GHDC: variants seen among roughly 807,000 people sequenced by gnomAD.
GHDC encodes the protein GH3 domain containing, also known as GH3 domain-containing protein.
GHDC carries 39 observed loss-of-function variants against 51.5 expected under a neutral mutation model. The ratio of observed to expected loss-of-function variants is 0.76; its 90% confidence interval spans 0.59 to 0.99. The LOEUF is 0.99. Ranked by LOEUF, GHDC falls within the 50% of genes least tolerant of loss-of-function variation. The pLI, the probability that GHDC is intolerant of heterozygous loss-of-function variation, is 0.00. For missense variants in GHDC, 610 were observed against 672.8 expected (o/e 0.91, Z 1.03); for synonymous variants, 282 against 305.2 (o/e 0.92, Z 0.79).
rs777182823 is a variant in GHDC at position 42,193,506 on chromosome 17, C to A, written c.76G>T (p.Asp26Tyr). The A allele has an allele frequency of 1.9e-6, 3 of 1,552,036 alleles. No individual in the cohort carries two copies. The highest frequency in any genetic ancestry group is 2.6e-6 in the Non-Finnish European group (3 of 1,148,578). The change falls in exon 3 of 10, where the codon GAT (aspartate) becomes TAT (tyrosine). Residue 26 changes from aspartate (D) to tyrosine (Y), a missense_variant. Physicochemically the swap from Asp to Tyr is radical, Grantham distance 160 (BLOSUM62 -3). Around this residue, in one of 2 missense-constraint regions of GHDC, gnomAD observed 198 missense variants for 262.3 expected, o/e 0.75. Coordinates refer to ENST00000587427, the MANE Select transcript of GHDC (RefSeq NM_032484.5). ...LALLRQQRSQ[D>Y]ARLSWLAGLQ... ...CCAGCAAGCCAGGACAGCCTGGCATCCTGGGACCGCTGCTGCCTGAGCAGG... is the reference window on the plus strand; with the variant it reads ...CCAGCAAGCCAGGACAGCCTGGCATACTGGGACCGCTGCTGCCTGAGCAGG...
At position 42,190,572 on chromosome 17, in the gene GHDC, G is replaced by A. The variant is rs955004847; in HGVS notation, c.1288+52C>T. 4.1e-5 allele frequency: 64 copies of A among 1,579,458 alleles called. No individual in the cohort carries two copies. The African/African-American group carries it at 7.3e-4, about 18-fold the overall frequency. On this transcript the variant is annotated intron_variant, in intron 8 of 9. Coordinates refer to ENST00000587427, the MANE Select transcript of GHDC (RefSeq NM_032484.5). Reference sequence around the variant, plus strand: ...AGCAGTCCCCTGGCAGGGGAGGTAGGAGTTGAAGGGTAGCTCAAGGATGGT... The same window carrying A: ...AGCAGTCCCCTGGCAGGGGAGGTAGAAGTTGAAGGGTAGCTCAAGGATGGT...
Position 42,190,851 on chromosome 17 carries a change from C to G in GHDC, c.1135G>C (p.Val379Leu). 4 of 1,613,048 alleles carry G rather than the reference C, an allele frequency of 2.5e-6. No homozygotes were observed. Among genetic ancestry groups the G allele is most frequent in the Middle Eastern group, 1.7e-4 (1 of 6,024 alleles). The stretch of plus-strand genomic sequence containing the variant: ...ACCTACCTGCAGATGAACCTGACGA[C>G]TGGACACTGATTGTAGGCACCAACC... Reference protein sequence around the residue: ...RVVGAYNQCPVVRFICRLDQT... With the variant: ...RVVGAYNQCPLVRFICRLDQT... Residue 379 changes from valine (V) to leucine (L), a missense_variant, in exon 7 of 10, where the codon GTC becomes CTC. Transcript: ENST00000587427.
Position 42,190,868 on chromosome 17 carries a change from G to C in GHDC, c.1118C>G (p.Ala373Gly). Residue 373 changes from alanine to glycine, a missense_variant, in exon 7 of 10, where the codon GCC (alanine) becomes GGC (glycine). Around this residue, in one of 2 missense-constraint regions of GHDC, gnomAD observed 412 missense variants for 410.4 expected, o/e 1.00. Coordinates refer to ENST00000587427, the MANE Select transcript of GHDC (RefSeq NM_032484.5). ...CCTGACGACTGGACACTGATTGTAG[G>C]CACCAACCACTCGCACCACATCACC... is the stretch of plus-strand genomic sequence containing the variant. ...RLGDVVRVVG[A>G]YNQCPVVRFI... 1 of 1,611,608 alleles carries C rather than the reference G, an allele frequency of 6.2e-7. No individual in the cohort carries two copies. Among genetic ancestry groups the C allele is most frequent in the Non-Finnish European group, 8.5e-7 (1 of 1,179,310 alleles).
In GHDC at chr17:42,192,270, A is replaced by T; in HGVS notation, c.860T>A (p.Phe287Tyr). ...CGAGGCAGCATAAGCAGGAGAGAAG[A>T]AGGCTAGTCCTTGGCACCACAAGGC... ...LGALWCQGLA[F>Y]FSPAYAASGG... is the part of the protein sequence containing the mutation. Residue 287 changes from phenylalanine to tyrosine, a missense_variant, in exon 5 of 10, where the codon TTC (phenylalanine) becomes TAC (tyrosine). Transcript: ENST00000587427. 1 of 1,561,796 alleles carries T rather than the reference A, an allele frequency of 6.4e-7. No individual in the cohort carries two copies. The highest frequency in any genetic ancestry group is 1.4e-5 in the African/African-American group (1 of 73,422).
rs908463316 is a variant in GHDC, at chr17:42,192,320, C to T, written c.810G>A (p.Gln270=). ...QVVVTLDAGG[Q]AEAVAALGAL... ...CCCCGAGGGCAGCCACAGCCTCGGC[C>T]TGGCCTCCTGCATCCAGAGTCACCA... The change falls in exon 5 of 10, where the codon CAG becomes CAA. Residue 270 remains glutamine (Q), a synonymous_variant. Transcript: ENST00000587427. 2.4e-5 allele frequency: 39 copies of T among 1,611,046 alleles called. No individual in the cohort carries two copies. The highest frequency in any genetic ancestry group is 3.1e-5 in the Non-Finnish European group (37 of 1,178,560).
At position 42,192,941 on chromosome 17, in the gene GHDC, T is replaced by A; in HGVS notation, c.352A>T (p.Thr118Ser). The A allele has an allele frequency of 1.2e-6, 2 of 1,613,616 alleles. No individual in the cohort carries two copies. Among genetic ancestry groups the A allele is most frequent in the Non-Finnish European group, 1.7e-6 (2 of 1,179,920 alleles). Reference protein sequence around the residue: ...EDSGEQPLPPTSNQDLGEASL... With the variant: ...EDSGEQPLPPSSNQDLGEASL... ...GCCTCCCCAAGGTCCTGGTTTGAGG[T>A]CGGGGGCAGTGGCTGCTCTCCACTG... Residue 118 changes from threonine (T) to serine (S), a missense_variant, in exon 4 of 10, where the codon ACC becomes TCC. Coordinates refer to ENST00000587427, the MANE Select transcript of GHDC (RefSeq NM_032484.5).
chr17:42,189,710 A>G lies in GHDC; in HGVS notation c.1586T>C (p.Val529Ala). 5.5e-6 allele frequency: 8 copies of G among 1,463,752 alleles called. No homozygotes were observed. Among genetic ancestry groups the G allele is most frequent in the Non-Finnish European group, 6.3e-6 (7 of 1,106,948 alleles). 90.7% of individuals were successfully genotyped at this position (1,463,752 alleles called of 1,614,324 possible). ...HLAQCLQERV[V>A]S ...GGTGGGGCAGGACTTGACTCAGGAC[A>G]CCACCCTCTCCTGCAGACACTGGGC... is the stretch of plus-strand genomic sequence containing the variant. The change falls in exon 10 of 10, where the codon GTG (valine) becomes GCG (alanine). Residue 529 changes from valine to alanine, a missense_variant. Physicochemically the swap from Val to Ala is moderately conservative, Grantham distance 64. This residue lies in a region of GHDC where 412 missense variants were observed against 410.4 expected (regional missense o/e 1.00). Transcript: ENST00000587427.
intron 9 of GHDC, 26 bp from the exon 10 acceptor site, chr17:42,189,947 C>G (rs1216855847): frequency 1.3e-6 from 2 of 1,491,208 alleles, no homozygotes; most frequent in Non-Finnish European, 1.8e-6. Context: ...CCTGAGTGAG[C>G]TGGTGTGTGA....
chr17:42,193,461 A>G lies in GHDC; in HGVS notation c.121T>C (p.Trp41Arg), dbSNP rs1449401578. 7.1e-6 allele frequency: 11 copies of G among 1,556,428 alleles called. No individual in the cohort carries two copies. The highest frequency in any genetic ancestry group is 9.6e-6 in the Non-Finnish European group (11 of 1,150,140). Reference sequence around the variant, plus strand: ...GTGGCTGCCCAGACCAGGGCCCCCCATGCCACTCGGTGCTGGAGGCCAGCA... The same window carrying G: ...GTGGCTGCCCAGACCAGGGCCCCCCGTGCCACTCGGTGCTGGAGGCCAGCA... ...WLAGLQHRVA[W>R]GALVWAATWQ... The change falls in exon 3 of 10, where the codon TGG becomes CGG. Residue 41 changes from tryptophan (W) to arginine (R), a missense_variant. By Grantham distance (101) the Trp-to-Arg change is moderately radical (BLOSUM62 -3). Coordinates refer to ENST00000587427, the MANE Select transcript of GHDC (RefSeq NM_032484.5).
At position 42,193,561 on chromosome 17, in the gene GHDC, C is replaced by G; in HGVS notation, c.21G>C (p.Leu7=). The change falls in exon 3 of 10, where the codon CTG becomes CTC. Residue 7 remains leucine (L), a synonymous_variant. Coordinates refer to ENST00000587427, the MANE Select transcript of GHDC (RefSeq NM_032484.5). ...ATGTTGGCAGCAGCAGCAGCAGCAG[C>G]AGCAGTGGCCACAGCAGCATCTCCA... The part of the protein sequence containing the change: MLLWPL[L]LLLLLLPTLA... 3 of 1,539,304 alleles carry G rather than the reference C, an allele frequency of 1.9e-6. No homozygotes were observed. Among genetic ancestry groups the G allele is most frequent in the Non-Finnish European group, 2.6e-6 (3 of 1,145,894 alleles).
Position 42,191,032 on chromosome 17 carries a change from G to T in GHDC, c.1068C>A (p.Arg356=). Residue 356 remains arginine (R), a synonymous_variant, in exon 6 of 10, where the codon CGC becomes CGA. Transcript: ENST00000587427. Reference sequence around the variant, plus strand: ...CAGCTGATCACCTGGTGAGGCTGGCGCGGTCCGTCAGCACCAGCTCATACT... The same window carrying T: ...CAGCTGATCACCTGGTGAGGCTGGCTCGGTCCGTCAGCACCAGCTCATACT... ...GKEYELVLTD[R]ASLTRCRLGD... 1 of 1,579,456 alleles carries T rather than the reference G, an allele frequency of 6.3e-7. No homozygotes were observed. Among genetic ancestry groups the T allele is most frequent in the Non-Finnish European group, 8.6e-7 (1 of 1,163,220 alleles).
chr17:42,191,016 A>G lies in GHDC; in HGVS notation c.1082+2T>C, dbSNP rs752818358. 6.4e-7 allele frequency: 1 copy of G among 1,569,340 alleles called. No homozygotes were observed. Among genetic ancestry groups the G allele is most frequent in the Admixed American group, 2.0e-5 (1 of 51,142 alleles). On this transcript the variant is annotated splice_donor_variant, in intron 6 of 9. Coordinates refer to ENST00000587427, the MANE Select transcript of GHDC (RefSeq NM_032484.5). LOFTEE classifies it high-confidence loss of function. ...GGTAGCAGGGGCTGTGCAGCTGATC[A>G]CCTGGTGAGGCTGGCGCGGTCCGTC...
intron 6 of GHDC, 31 bp downstream of exon 6, chr17:42,190,987 C>T (rs1555546502): frequency 1.9e-6 from 3 of 1,563,694 alleles, no homozygotes; most frequent in Admixed American, 2.0e-5. Context: ...CCCATAGGGC[C>T]CCAGGTAGCA....
In GHDC at chr17:42,189,346, C is replaced by T. The variant is rs2079948833; in HGVS notation, c.*357G>A. ...TGCTGCTCCTGGGGACATTAACCCC[C>T]CAACACTTCTAGCTTGCCCAGTGCA... On this transcript the variant is annotated 3_prime_UTR_variant, in exon 10 of 10. Coordinates refer to ENST00000587427, the MANE Select transcript of GHDC (RefSeq NM_032484.5). 2.5e-6 allele frequency: 1 copy of T among 392,590 alleles called. No individual in the cohort carries two copies. The highest frequency in any genetic ancestry group is 1.4e-4 in the South Asian group (1 of 7,030). 24.3% of individuals were successfully genotyped at this position (392,590 alleles called of 1,614,324 possible).
chr17:42,190,004 G>A, intron 9 of GHDC, 83 bp from the exon 10 acceptor site: 1 of 1,356,236 alleles, frequency 7.4e-7, no homozygotes, highest in Non-Finnish European at 1.0e-6. Flanking sequence ...CAGGCTACAT[G>A]TGTTTAGAAG....
chr17:42,193,224 G>A, intron 3 of GHDC, 93 bp downstream of exon 3: 2 of 1,517,494 alleles, frequency 1.3e-6, no homozygotes, highest in South Asian at 1.2e-5. Context: ...GTTGGCAGTG[G>A]AGGAGGTAAG....
chr17:42,193,859 T>G lies in GHDC; in HGVS notation c.-97-9A>C. 2.1e-6 allele frequency: 1 copy of G among 486,036 alleles called. No individual in the cohort carries two copies. The allele number at this position is 486,036 out of a possible 1,614,324, so 30.1% of individuals were successfully genotyped here. A position where few individuals can be genotyped will look rare whatever the true frequency, so the allele number is the denominator to read the frequency against. Reference sequence around the variant, plus strand: ...GAGCTCTGTTTCCTGATCTGCAAAATGGGAATAAGAATAAGAATGCCTCTT... The same window carrying G: ...GAGCTCTGTTTCCTGATCTGCAAAAGGGGAATAAGAATAAGAATGCCTCTT... On this transcript the variant is annotated splice_polypyrimidine_tract_variant and intron_variant, in intron 1 of 9. Coordinates refer to ENST00000587427, the MANE Select transcript of GHDC (RefSeq NM_032484.5).
At position 42,192,979 on chromosome 17, in the gene GHDC, G is replaced by A; in HGVS notation, c.314C>T (p.Thr105Ile). Reference sequence around the variant, plus strand: ...CTGCTCTCCACTGTCTTCCTGCTGGGTCTGGCTGGCCTTGGTCAGAGGGAG... The same window carrying A: ...CTGCTCTCCACTGTCTTCCTGCTGGATCTGGCTGGCCTTGGTCAGAGGGAG... The part of the protein sequence containing the change: ...NHLPLTKASQ[T>I]QQEDSGEQPL... Residue 105 changes from threonine to isoleucine, a missense_variant, in exon 4 of 10, where the codon ACC becomes ATC. Around this residue, in one of 2 missense-constraint regions of GHDC, gnomAD observed 198 missense variants for 262.3 expected, o/e 0.75. Transcript: ENST00000587427. The A allele has an allele frequency of 6.2e-7, 1 of 1,614,136 alleles. No homozygotes were observed. The highest frequency in any genetic ancestry group is 8.5e-7 in the Non-Finnish European group (1 of 1,180,018).
At position 42,190,833 on chromosome 17, in the gene GHDC, T is replaced by C; in HGVS notation, c.1153A>G (p.Arg385Gly). Residue 385 changes from arginine to glycine, a missense_variant and splice_region_variant, in exon 7 of 10, where the codon AGG (arginine) becomes GGG (glycine). By Grantham distance (125) the Arg-to-Gly change is moderately radical (BLOSUM62 -2). This residue lies in a region of GHDC where 412 missense variants were observed against 410.4 expected (regional missense o/e 1.00). Coordinates refer to ENST00000587427, the MANE Select transcript of GHDC (RefSeq NM_032484.5). ...CTTCAGCTCCCCGGGGTCACCTACCTGCAGATGAACCTGACGACTGGACAC... is the reference window on the plus strand; with the variant it reads ...CTTCAGCTCCCCGGGGTCACCTACCCGCAGATGAACCTGACGACTGGACAC... ...NQCPVVRFICRLDQTLSVRGE... is the reference protein window; with the variant it reads ...NQCPVVRFICGLDQTLSVRGE... The C allele has an allele frequency of 2.5e-6, 4 of 1,613,610 alleles. No homozygotes were observed. Among genetic ancestry groups the C allele is most frequent in the Non-Finnish European group, 3.4e-6 (4 of 1,179,874 alleles).
Sources: gnomAD v4.1 joint callset for allele counts on GRCh38, gnomAD v4.1.1 for gene constraint, gnomAD v4.1.1 regional missense constraint, MANE v1.5 for transcripts, NCBI Gene and HGNC (gene_info 2026-07-23, HGNC 2026-07-21) for gene names.